Variants in KCND2 observed in about 807,000 individuals in gnomAD.
KCND2 encodes the protein A-type voltage-gated potassium channel KCND2.
In KCND2, 16 loss-of-function variants were observed where a neutral mutation model predicts 54.4. The ratio of observed to expected loss-of-function variants is 0.29; its 90% CI spans 0.20 to 0.45. KCND2 has a LOEUF of 0.45. KCND2 is among the 20% of genes least tolerant of loss of function. The pLI, the probability that KCND2 is intolerant of heterozygous loss-of-function variation, is 1.00. For missense variants in KCND2, 486 were observed against 824.2 expected (o/e 0.59, Z 5.02); for synonymous variants, 317 against 310.7 (o/e 1.02, Z -0.21).
chr7:120,331,929 TA>T (rs764439528), intron 1 of KCND2, among the ~76,000 whole-genome samples: 7 of 152,094 alleles, frequency 4.6e-5, no homozygotes, highest in Non-Finnish European at 1.0e-4. Flanking sequence ...GTTTCTCTTT[TA>T]AAAATTTTAT....
At chr7:120,731,089 G>A (rs923916959) in intron 1 of KCND2, among the ~76,000 whole-genome samples, 2 of 152,024 alleles carry the variant, frequency 1.3e-5, no homozygotes, top group East Asian at 1.9e-4. Context: ...CTTGTCCCCC[G>A]CCCCAGGAGT....
intron 1 of KCND2, among the ~76,000 whole-genome samples, chr7:120,496,421 A>G (rs937586363): frequency 3.3e-5 from 5 of 151,426 alleles, no homozygotes; most frequent in South Asian, 2.1e-4. Flanking sequence ...ATATAAAAAT[A>G]TATAATTTTT....
Position 120,485,899 on chromosome 7 carries a change from G to A in KCND2, c.1115+210152G>A, listed in dbSNP as rs150477299. ...ATCACTAACACCTGGAATACAGAAAGTGTTTGATAAATATTTTAAATGCAT... is the reference window on the plus strand; with the variant it reads ...ATCACTAACACCTGGAATACAGAAAATGTTTGATAAATATTTTAAATGCAT... On this transcript the variant is annotated intron_variant, in intron 1 of 5. Coordinates refer to ENST00000331113, the MANE Select transcript of KCND2 (RefSeq NM_012281.3). Among the ~76,000 whole-genome samples the A allele has an allele frequency of 1.4e-4, 22 of 152,284 alleles. No homozygotes were observed. In the East Asian group the frequency reaches 4.2e-3, roughly 29 times the overall value.
chr7:120,640,458 G>T (rs528090339), intron 1 of KCND2, among the ~76,000 whole-genome samples: 2 of 152,010 alleles, frequency 1.3e-5, no homozygotes, highest in Non-Finnish European at 2.9e-5. Flanking sequence ...ATGGAGTACC[G>T]TATATTTAAA....
intron 1 of KCND2, among the ~76,000 whole-genome samples, chr7:120,286,903 G>C (rs1799353734): frequency 6.6e-6 from 1 of 152,034 alleles, no homozygotes; most frequent in African/African-American, 2.4e-5. Flanking sequence ...AAAGGTGACA[G>C]AAAGTGATGG....
intron 1 of KCND2, among the ~76,000 whole-genome samples, chr7:120,368,316 G>GT (rs1212957669): frequency 6.6e-6 from 1 of 151,864 alleles, no homozygotes; most frequent in African/African-American, 2.4e-5. Context: ...TATTTTTAAT[G>GT]TAAGTTTCTT....
intron 1 of KCND2, among the ~76,000 whole-genome samples, chr7:120,608,707 T>A (rs1433704335): frequency 6.6e-6 from 1 of 152,114 alleles, no homozygotes; most frequent in Admixed American, 6.5e-5. Flanking sequence ...CCAACCACAG[T>A]ATAGTAATCA....
chr7:120,313,670 T>C (rs1799772180), intron 1 of KCND2, among the ~76,000 whole-genome samples: 1 of 152,054 alleles, frequency 6.6e-6, no homozygotes, highest in African/African-American at 2.4e-5. Context: ...TTACTTCTAG[T>C]TCTGTCTCTG....
At chr7:120,641,654 A>G (rs1351589100) in intron 1 of KCND2, among the ~76,000 whole-genome samples, 3 of 152,182 alleles carry the variant, frequency 2.0e-5, no homozygotes, top group South Asian at 4.1e-4. Flanking sequence ...AATGAAGTAG[A>G]GGAACTATTA....
chr7:120,731,773 T>C (rs1792809829), intron 1 of KCND2, among the ~76,000 whole-genome samples: 1 of 152,192 alleles, frequency 6.6e-6, no homozygotes, highest in South Asian at 2.1e-4. Flanking sequence ...TTGAATGGGA[T>C]ACAATTTGGT....
chr7:120,641,328 G>A (rs1395054165), intron 1 of KCND2, among the ~76,000 whole-genome samples: 1 of 152,070 alleles, frequency 6.6e-6, no homozygotes, highest in African/African-American at 2.4e-5. Flanking sequence ...TTCTGGAATG[G>A]CTATTTTAAA....
chr7:120,688,674 G>A (rs1027099596), intron 1 of KCND2, among the ~76,000 whole-genome samples: 3 of 152,082 alleles, frequency 2.0e-5, no homozygotes, highest in Admixed American at 1.3e-4. Context: ...GAGGGAAAAC[G>A]CTTACCATGT....
chr7:120,322,951 A>G (rs1480207843), intron 1 of KCND2, among the ~76,000 whole-genome samples: 1 of 152,168 alleles, frequency 6.6e-6, no homozygotes, highest in Non-Finnish European at 1.5e-5. Flanking sequence ...ATAGTATAAA[A>G]TAAATAGTTT....
At chr7:120,407,633 A>G (rs1378723323) in intron 1 of KCND2, among the ~76,000 whole-genome samples, 2 of 151,970 alleles carry the variant, frequency 1.3e-5, no homozygotes, top group Non-Finnish European at 2.9e-5. Flanking sequence ...TTTATAATGC[A>G]TATAAAGCAT....
intron 1 of KCND2, among the ~76,000 whole-genome samples, chr7:120,645,166 T>C (rs926689436): frequency 6.6e-6 from 1 of 152,246 alleles, no homozygotes; most frequent in African/African-American, 2.4e-5. Context: ...GGAATCAAAC[T>C]GTAGCCCTGA....
intron 1 of KCND2, among the ~76,000 whole-genome samples, chr7:120,588,205 A>T (rs1213852703): frequency 1.3e-5 from 2 of 152,172 alleles, no homozygotes; most frequent in African/African-American, 4.8e-5. Context: ...GTGAGGAATT[A>T]GTGGCATCCC....
At chr7:120,358,600 A>T (rs1273438298) in intron 1 of KCND2, among the ~76,000 whole-genome samples, 1 of 152,106 alleles carries the variant, frequency 6.6e-6, no homozygotes, top group Non-Finnish European at 1.5e-5. Flanking sequence ...GATACTGCTA[A>T]TGTACAGAAA....
chr7:120,331,868 C>T (rs1038460367), intron 1 of KCND2, among the ~76,000 whole-genome samples: 1 of 151,854 alleles, frequency 6.6e-6, no homozygotes, highest in East Asian at 1.9e-4. Context: ...TTTAAAATAC[C>T]TTCATTTTAT....
rs766279022 is a variant in KCND2 at position 120,275,373 on chromosome 7, C to T, written c.741C>T (p.Arg247=). 3.1e-6 allele frequency: 5 copies of T among 1,613,840 alleles called. No homozygotes were observed. The highest frequency in any genetic ancestry group is 4.2e-6 in the Non-Finnish European group (5 of 1,179,984). The part of the protein sequence containing the change: ...VMIFTVEYLL[R]LAAAPSRYRF... ...TCTTCACAGTTGAGTATTTGCTTCG[C>T]CTGGCTGCAGCGCCTAGTCGTTACC... Residue 247 remains arginine (R), a synonymous_variant, in exon 1 of 6, where the codon CGC becomes CGT. Transcript: ENST00000331113.
Sources: allele counts gnomAD v4.1 joint callset (sites outside exome capture counted in the v4.1 genomes callset), GRCh38; gene constraint gnomAD v4.1.1; transcripts MANE v1.5; gene names NCBI Gene and HGNC (gene_info 2026-07-23, HGNC 2026-07-21).